The following SGCD variants were observed in gnomAD, a reference collection of about 807,000 sequenced individuals.
The protein encoded by SGCD is sarcoglycan delta, also known as delta-sarcoglycan.
A neutral mutation model predicts 36.6 loss-of-function variants in SGCD; 18 were observed. That is an observed-to-expected ratio of 0.49 (90% CI 0.34 to 0.73). The LOEUF is 0.73. Among genes scored for constraint, SGCD ranks in the 30% least tolerant of loss-of-function variants. The pLI, the probability that SGCD is intolerant of heterozygous loss-of-function variation, is 0.01. For synonymous variants in SGCD, 133 were observed against 130.6 expected (o/e 1.02, Z -0.12); for missense variants, 387 against 346.7 (o/e 1.12, Z -0.92).
intron 1 of SGCD, among the ~76,000 whole-genome samples, chr5:156,028,584 G>A (rs1359353126): frequency 1.3e-5 from 2 of 152,040 alleles, no homozygotes; most frequent in Non-Finnish European, 2.9e-5. Context: ...ATAGGAATTG[G>A]TCAATAATTG....
chr5:155,918,938 G>A (rs1225718886), intron 1 of SGCD, among the ~76,000 whole-genome samples: 2 of 152,212 alleles, frequency 1.3e-5, no homozygotes, highest in East Asian at 3.9e-4. Context: ...ACTTTAAGAG[G>A]TAAAGAGAGG....
At chr5:156,719,500 T>C (rs1755386267) in intron 7 of SGCD, among the ~76,000 whole-genome samples, 1 of 152,096 alleles carries the variant, frequency 6.6e-6, no homozygotes, top group South Asian at 2.1e-4. Context: ...CCATTAGAGA[T>C]TGTAACCTGA....
At chr5:156,101,572 A>G (rs1205486908) in intron 1 of SGCD, among the ~76,000 whole-genome samples, 5 of 152,158 alleles carry the variant, frequency 3.3e-5, no homozygotes, top group Admixed American at 2.6e-4. Flanking sequence ...ATAGATGTCT[A>G]TATCTTTTGT....
chr5:156,061,023 A>C (rs1249590607), intron 1 of SGCD, among the ~76,000 whole-genome samples: 1 of 145,490 alleles, frequency 6.9e-6, no homozygotes, highest in Non-Finnish European at 1.5e-5. Context: ...AAATTGATTT[A>C]AAAATCTATT....
At chr5:155,987,243 C>A (rs1421667778) in intron 1 of SGCD, among the ~76,000 whole-genome samples, 1 of 152,118 alleles carries the variant, frequency 6.6e-6, no homozygotes, top group African/African-American at 2.4e-5. Flanking sequence ...CATTTAATAG[C>A]CCCTAAACCC....
At chr5:156,490,164 T>C (rs1213021307) in intron 3 of SGCD, among the ~76,000 whole-genome samples, 1 of 151,942 alleles carries the variant, frequency 6.6e-6, no homozygotes, top group Admixed American at 6.6e-5. Context: ...ACCAGGAAGA[T>C]ACAGAAAACA....
At chr5:156,133,293 A>T (rs1461161157) in intron 3 of SGCD, among the ~76,000 whole-genome samples, 1 of 152,240 alleles carries the variant, frequency 6.6e-6, no homozygotes, top group Admixed American at 6.5e-5. Flanking sequence ...TATAAATTCT[A>T]TAAAATACTT....
chr5:156,676,576 A>G (rs1280809266), intron 7 of SGCD, among the ~76,000 whole-genome samples: 1 of 152,132 alleles, frequency 6.6e-6, no homozygotes, highest in Non-Finnish European at 1.5e-5. Context: ...AAGACAAGGT[A>G]AGCAATGCTG....
At chr5:156,350,459 A>T (rs1769193524) in intron 3 of SGCD, among the ~76,000 whole-genome samples, 1 of 151,786 alleles carries the variant, frequency 6.6e-6, no homozygotes, top group South Asian at 2.1e-4. Flanking sequence ...GAAAATCTGG[A>T]ATTTTACTTT....
chr5:155,771,832 A>G, the SGCD span, among the ~76,000 whole-genome samples: 1 of 152,166 alleles, frequency 6.6e-6, no homozygotes, highest in Admixed American at 6.5e-5. Context: ...GATTATGGCC[A>G]TGAGCCACCA....
At chr5:156,422,631 C>T (rs1262791765) in intron 3 of SGCD, among the ~76,000 whole-genome samples, 3 of 151,910 alleles carry the variant, frequency 2.0e-5, no homozygotes, top group African/African-American at 7.2e-5. Flanking sequence ...TTTCAGTTTC[C>T]TTATATATAA....
intron 3 of SGCD, among the ~76,000 whole-genome samples, chr5:156,427,500 C>T (rs1580976913): frequency 6.6e-6 from 1 of 151,990 alleles, no homozygotes; most frequent in East Asian, 1.9e-4. Context: ...AGTTTTACTT[C>T]CTGTTTTCCA....
chr5:156,485,069 T>C (rs1227877318), intron 3 of SGCD, among the ~76,000 whole-genome samples: 2 of 152,162 alleles, frequency 1.3e-5, no homozygotes, highest in East Asian at 1.9e-4. Flanking sequence ...GTTACTGCAA[T>C]GCATGTGTCT....
intron 3 of SGCD, among the ~76,000 whole-genome samples, chr5:156,423,616 C>T (rs920417799): frequency 8.6e-5 from 13 of 151,332 alleles, no homozygotes; most frequent in African/African-American, 3.2e-4. Flanking sequence ...TGACACTTAA[C>T]ATATGCCCAA....
At chr5:155,876,359 T>C (rs1270781045) in intron 1 of SGCD, among the ~76,000 whole-genome samples, 1 of 151,932 alleles carries the variant, frequency 6.6e-6, no homozygotes, top group African/African-American at 2.4e-5. Context: ...TGTATATCTT[T>C]CCATTTTGGA....
At chr5:156,283,360 T>C (rs1480721333) in intron 3 of SGCD, among the ~76,000 whole-genome samples, 1 of 152,218 alleles carries the variant, frequency 6.6e-6, no homozygotes, top group Admixed American at 6.5e-5. Context: ...AGATCAGTCA[T>C]ACCCAGAATG....
chr5:156,025,929 A>G (rs1400963801), intron 1 of SGCD, among the ~76,000 whole-genome samples: 1 of 152,230 alleles, frequency 6.6e-6, no homozygotes, highest in Non-Finnish European at 1.5e-5. Context: ...TAGGAGATGA[A>G]AGTATTATCA....
chr5:156,119,071 G>C (rs1471864926), intron 2 of SGCD, among the ~76,000 whole-genome samples: 2 of 152,154 alleles, frequency 1.3e-5, no homozygotes, highest in Admixed American at 6.5e-5. Context: ...AATCCATGTA[G>C]CTCATTCCAG....
chr5:155,949,635 A>G (rs145936012), intron 1 of SGCD, among the ~76,000 whole-genome samples: 1 of 152,316 alleles, frequency 6.6e-6, no homozygotes, highest in Admixed American at 6.5e-5. Flanking sequence ...GCAATATTTT[A>G]TGGTTTGTAG....
Sources: gnomAD v4.1 joint callset for allele counts (sites outside exome capture counted in the v4.1 genomes callset) on GRCh38, gnomAD v4.1.1 for gene constraint, MANE v1.5 for transcripts, NCBI Gene and HGNC (gene_info 2026-07-23, HGNC 2026-07-21) for gene names.